VPS13D: variants seen among roughly 807,000 people sequenced by gnomAD.
VPS13D encodes intermembrane lipid transfer protein VPS13D.
Under a neutral mutation model 461.9 loss-of-function variants are expected in VPS13D, and 187 were observed. The observed-to-expected ratio is 0.40, with a 90% CI of 0.36 to 0.46. The LOEUF (loss-of-function observed/expected upper bound fraction) is 0.46, where lower values mean the gene tolerates loss of function less well. Ranked by LOEUF, VPS13D falls within the 20% of genes least tolerant of loss-of-function variation. The pLI, the probability that VPS13D is intolerant of heterozygous loss-of-function variation, is 0.60. For synonymous variants in VPS13D, 1,951 were observed against 1,986.3 expected (o/e 0.98, Z 0.47); for missense variants, 4,711 against 5,364.9 (o/e 0.88, Z 3.81).
At chr1:12,497,774 T>C in intron 68 of VPS13D, 143 bp downstream of exon 68, 3 of 1,112,292 alleles carry the variant, frequency 2.7e-6, no homozygotes, top group Non-Finnish European at 3.7e-6. Flanking sequence ...CCCCAAATGT[T>C]TTTTAGATTT....
chr1:12,303,253 A>G (rs1297883316), intron 25 of VPS13D, among the ~76,000 whole-genome samples: 1 of 152,224 alleles, frequency 6.6e-6, no homozygotes, highest in East Asian at 1.9e-4. Context: ...GAATTGTTTT[A>G]CATAAATCCA....
Position 12,381,980 on chromosome 1 carries a change from T to C in VPS13D, c.11191-996T>C, listed in dbSNP as rs370059188. ...TTTCTTTCTTTCTTTCTTTCTTTCTTTCTCTCTCTCTCTCTCCTTCCTTCC... is the reference window on the plus strand; with the variant it reads ...TTTCTTTCTTTCTTTCTTTCTTTCTCTCTCTCTCTCTCTCTCCTTCCTTCC... On this transcript the variant is annotated intron_variant, in intron 57 of 69. Coordinates refer to ENST00000620676, the MANE Select transcript of VPS13D (RefSeq NM_015378.4). Among the ~76,000 whole-genome samples the C allele has an allele frequency of 5.0e-3, 650 of 131,110 alleles. 2 individuals are homozygous for C. Among genetic ancestry groups the C allele is most frequent in the Non-Finnish European group, 7.0e-3 (438 of 62,394 alleles). The allele number at this position is 131,110 out of a possible 152,430, so 86.0% of individuals were successfully genotyped here.
chr1:12,435,600 A>G (rs1478510476), intron 65 of VPS13D, among the ~76,000 whole-genome samples: 1 of 152,134 alleles, frequency 6.6e-6, no homozygotes, highest in East Asian at 1.9e-4. Flanking sequence ...GAGGATACTG[A>G]CGTTCAGAGA....
chr1:12,248,070 A>G (rs1234979342), intron 5 of VPS13D, among the ~76,000 whole-genome samples: 1 of 151,442 alleles, frequency 6.6e-6, no homozygotes, highest in Non-Finnish European at 1.5e-5. Context: ...TGTGTTTTTA[A>G]TAGAGACGGG....
Position 12,256,404 on chromosome 1 carries a change from T to G in VPS13D, c.741T>G (p.Leu247=), listed in dbSNP as rs747161480. 1.1e-5 allele frequency: 18 copies of G among 1,613,966 alleles called. 1 individual carries two copies. The highest frequency in any genetic ancestry group is 1.5e-5 in the Non-Finnish European group (18 of 1,180,022). Reference sequence around the variant, plus strand: ...TGGAGCCTGTGTTTGCATCTGCTCTTTTGAAGAGAAACTGCTCCAAGAAGC... The same window carrying G: ...TGGAGCCTGTGTTTGCATCTGCTCTGTTGAAGAGAAACTGCTCCAAGAAGC... ...YVLEPVFASA[L]LKRNCSKKPL... Residue 247 remains leucine, a synonymous_variant, in exon 8 of 70, where the codon CTT becomes CTG. Transcript: ENST00000620676.
intron 67 of VPS13D, among the ~76,000 whole-genome samples, chr1:12,475,718 C>A (rs2100464329): frequency 6.6e-6 from 1 of 152,316 alleles, no homozygotes; most frequent in East Asian, 1.9e-4. Context: ...AAAGTGGCCC[C>A]AGACATACAT....
At chr1:12,249,464 C>A in intron 6 of VPS13D, 125 bp downstream of exon 6, 1 of 666,958 alleles carries the variant, frequency 1.5e-6, no homozygotes. Context: ...CTGTGATAGG[C>A]ATGGGTGTCT....
At chr1:12,238,235 A>G (rs545839360) in intron 2 of VPS13D, among the ~76,000 whole-genome samples, 1 of 131,386 alleles carries the variant, frequency 7.6e-6, no homozygotes, top group East Asian at 2.5e-4. Context: ...AATCCCCCCC[A>G]AAAAATATAT....
intron 65 of VPS13D, among the ~76,000 whole-genome samples, chr1:12,445,701 A>G (rs1445211838): frequency 6.6e-6 from 1 of 152,248 alleles, no homozygotes; most frequent in Admixed American, 6.5e-5. Context: ...CTGAAAAAAA[A>G]TGGGAACATT....
At chr1:12,459,317 G>T (rs1041601879) in intron 66 of VPS13D, among the ~76,000 whole-genome samples, 1 of 152,110 alleles carries the variant, frequency 6.6e-6, no homozygotes, top group East Asian at 1.9e-4. Flanking sequence ...TATACAGGAC[G>T]GTGTGTGTAG....
intron 2 of VPS13D, among the ~76,000 whole-genome samples, chr1:12,240,784 T>C (rs1640326284): frequency 7.9e-6 from 1 of 127,208 alleles, no homozygotes; most frequent in Non-Finnish European, 1.6e-5. Context: ...TACAAACTTT[T>C]TCTTTCTGTT....
At chr1:12,260,899 T>A in intron 11 of VPS13D, 49 bp from the exon 12 acceptor site, 1 of 1,613,150 alleles carries the variant, frequency 6.2e-7, no homozygotes, top group Non-Finnish European at 8.5e-7. Context: ...ATATCACAGC[T>A]TGCTTTTATC....
intron 40 of VPS13D, 59 bp downstream of exon 40, chr1:12,338,364 C>A: frequency 6.5e-7 from 1 of 1,531,378 alleles, no homozygotes; most frequent in Non-Finnish European, 9.0e-7. Context: ...CTTCCTTGTA[C>A]ATCAATTTTT....
intron 65 of VPS13D, among the ~76,000 whole-genome samples, chr1:12,424,981 T>C (rs1644907002): frequency 6.6e-6 from 1 of 152,222 alleles, no homozygotes; most frequent in Non-Finnish European, 1.5e-5. Flanking sequence ...TTTCTTAGGT[T>C]GGCTGGTGAC....
At position 12,362,747 on chromosome 1, in the gene VPS13D, G is replaced by A. The variant is rs769010867; in HGVS notation, c.10169G>A (p.Arg3390Gln). ...IGIDVKKGRG[R>Q]YIDTCMVIFA... ...ATTGATGTCAAGAAAGGCCGAGGTC[G>A]ATACATTGATACCTGCATGGTCATC... The change falls in exon 51 of 70, where the codon CGA becomes CAA. Residue 3390 changes from arginine (R) to glutamine (Q), a missense_variant. This residue lies in a region of VPS13D where 4,411 missense variants were observed against 4,937.8 expected (regional missense o/e 0.89). Coordinates refer to ENST00000620676, the MANE Select transcript of VPS13D (RefSeq NM_015378.4). 6.2e-5 allele frequency: 100 copies of A among 1,614,012 alleles called. 3 individuals carry two copies. In the Middle Eastern group the frequency reaches 3.6e-3, roughly 58 times the overall value.
Position 12,266,940 on chromosome 1 carries a change from T to C in VPS13D, c.1654T>C (p.Leu552=). 6.2e-7 allele frequency: 1 copy of C among 1,610,606 alleles called. No individual in the cohort carries two copies. The highest frequency in any genetic ancestry group is 1.7e-5 in the Admixed American group (1 of 58,946). The change falls in exon 14 of 70, where the codon TTG becomes CTG. Residue 552 remains leucine (L), a synonymous_variant. Coordinates refer to ENST00000620676, the MANE Select transcript of VPS13D (RefSeq NM_015378.4). The part of the protein sequence containing the change: ...RRNSSLLSVR[L]GGLFLRDLAT... ...AAATTCCTCGTTGCTTTCAGTCCGG[T>C]TGGGTGGACTGTTTCTTCGAGACCT...
At chr1:12,349,119 T>C in intron 45 of VPS13D, 45 bp from the exon 46 acceptor site, 1 of 1,612,038 alleles carries the variant, frequency 6.2e-7, no homozygotes, top group Non-Finnish European at 8.5e-7. Context: ...ATCTTTGGGG[T>C]GGAGGACCAT....
At chr1:12,438,947 G>T (rs11121909) in intron 65 of VPS13D, among the ~76,000 whole-genome samples, 1 of 152,120 alleles carries the variant, frequency 6.6e-6, no homozygotes, top group Non-Finnish European at 1.5e-5. Context: ...CAGTCCCTCA[G>T]CAGATCCCGA....
At chr1:12,410,225 G>T (rs1474353167) in intron 63 of VPS13D, among the ~76,000 whole-genome samples, 1 of 152,210 alleles carries the variant, frequency 6.6e-6, no homozygotes, top group Non-Finnish European at 1.5e-5. Flanking sequence ...CAGCTAAGAG[G>T]CTGAAGAACT....
Sources: gnomAD v4.1 joint callset for allele counts (sites outside exome capture counted in the v4.1 genomes callset) on GRCh38, gnomAD v4.1.1 for gene constraint, gnomAD v4.1.1 regional missense constraint, MANE v1.5 for transcripts, NCBI Gene and HGNC (gene_info 2026-07-23, HGNC 2026-07-21) for gene names.